Variants in THUMPD2 observed in about 807,000 individuals in gnomAD.
The protein encoded by THUMPD2 is THUMP domain 2 tRNA and snRNA guanosine methyltransferase.
THUMPD2 carries 56 observed loss-of-function variants against 49.4 expected under a neutral mutation model. The observed-to-expected ratio is 1.13, with a 90% CI of 0.91 to 1.41. THUMPD2 has a LOEUF of 1.41. THUMPD2 is among the 40% of genes most tolerant of loss of function. The probability of loss-of-function intolerance (pLI) is 0.00; values close to 1 mark genes in which losing one functional copy is unlikely to be tolerated. For synonymous variants in THUMPD2, 237 were observed against 205.2 expected (o/e 1.15, Z -1.32); for missense variants, 709 against 594.5 (o/e 1.19, Z -2.00).
chr2:39,742,798 G>A (rs1050648138), intron 9 of THUMPD2, among the ~76,000 whole-genome samples: 1 of 152,180 alleles, frequency 6.6e-6, no homozygotes, highest in Non-Finnish European at 1.5e-5. Flanking sequence ...TTCGTGGGGA[G>A]GGGTGGATAG....
intron 8 of THUMPD2, chr2:39,744,710 A>C: frequency 3.4e-6 from 1 of 294,966 alleles, no homozygotes; most frequent in South Asian, 8.5e-5. Context: ...ATACAATAAA[A>C]TGTAAGTTAA....
chr2:39,768,649 A>G (rs537425733), intron 3 of THUMPD2, 148 bp from the exon 4 acceptor site: 1 of 747,848 alleles, frequency 1.3e-6, no homozygotes, highest in Non-Finnish European at 2.2e-6. Context: ...TTGTACATGA[A>G]AGCATTTCCT....
At chr2:39,745,993 T>G (rs1002754106) in intron 8 of THUMPD2, among the ~76,000 whole-genome samples, 5 of 152,166 alleles carry the variant, frequency 3.3e-5, no homozygotes, top group Admixed American at 3.3e-4. Flanking sequence ...AGTTTCTTCA[T>G]CTGTAAAATG....
intron 9 of THUMPD2, among the ~76,000 whole-genome samples, chr2:39,742,564 C>CAGTT (rs1674034632): frequency 6.6e-6 from 1 of 152,190 alleles, no homozygotes; most frequent in African/African-American, 2.4e-5. Flanking sequence ...ATTAGATTTT[C>CAGTT]AGTTAGAGTA....
intron 5 of THUMPD2, among the ~76,000 whole-genome samples, chr2:39,764,300 G>A (rs1014975593): frequency 1.1e-4 from 16 of 152,196 alleles, no homozygotes; most frequent in Non-Finnish European, 4.4e-5. Flanking sequence ...TCCCAAGGAC[G>A]AAGCTATAAA....
At chr2:39,768,700 C>T (rs1677880028) in intron 3 of THUMPD2, 199 bp from the exon 4 acceptor site, 1 of 665,078 alleles carries the variant, frequency 1.5e-6, no homozygotes, top group Non-Finnish European at 2.5e-6. Flanking sequence ...CCCTAGCCCC[C>T]AGTACACCCC....
intron 4 of THUMPD2, among the ~76,000 whole-genome samples, chr2:39,767,393 A>G (rs776131068): frequency 9.2e-5 from 14 of 151,626 alleles, no homozygotes; most frequent in Non-Finnish European, 1.8e-4. Flanking sequence ...TCACGAGGTC[A>G]GGAGATCGAG....
chr2:39,777,484 A>G (rs1297543827), intron 1 of THUMPD2, among the ~76,000 whole-genome samples: 1 of 152,206 alleles, frequency 6.6e-6, no homozygotes, highest in East Asian at 1.9e-4. Flanking sequence ...TTGGTAAAAT[A>G]TGGAGGTAAA....
intron 8 of THUMPD2, among the ~76,000 whole-genome samples, chr2:39,754,543 C>G (rs1675844819): frequency 1.3e-5 from 2 of 152,212 alleles, no homozygotes; most frequent in Non-Finnish European, 2.9e-5. Context: ...TCACTGTCAA[C>G]AGAATACAAT....
chr2:39,761,782 T>C (rs570006527), intron 5 of THUMPD2, among the ~76,000 whole-genome samples: 99 of 152,298 alleles, frequency 6.5e-4, no homozygotes, highest in African/African-American at 2.4e-3. Flanking sequence ...GAATGTACTA[T>C]TTTGTGATAT....
At chr2:39,771,082 T>C (rs1558538053) in intron 2 of THUMPD2, among the ~76,000 whole-genome samples, 1 of 152,148 alleles carries the variant, frequency 6.6e-6, no homozygotes, top group Admixed American at 6.5e-5. Context: ...CCTAGAAATA[T>C]AAATTTTTAC....
At chr2:39,770,765 T>A (rs1007856007) in intron 2 of THUMPD2, among the ~76,000 whole-genome samples, 1 of 152,132 alleles carries the variant, frequency 6.6e-6, no homozygotes, top group Non-Finnish European at 1.5e-5. Flanking sequence ...GATCCCACAG[T>A]ATAATACTTT....
At position 39,768,509 on chromosome 2, in the gene THUMPD2, A is replaced by T. The variant is rs1677856055; in HGVS notation, c.673-8T>A. 1.2e-6 allele frequency: 2 copies of T among 1,605,138 alleles called. No individual in the cohort carries two copies. The highest frequency in any genetic ancestry group is 8.5e-7 in the Non-Finnish European group (1 of 1,175,652). ...AATTACTTTTCCTACCTCCTGGAAA[A>T]GTACCAAGTTAAAGAAAAGAATACT... On this transcript the variant is annotated splice_region_variant and splice_polypyrimidine_tract_variant and intron_variant, in intron 3 of 9. Coordinates refer to ENST00000505747, the MANE Select transcript of THUMPD2 (RefSeq NM_025264.5).
upstream of THUMPD2, chr2:39,779,261 C>A (rs1303620562): frequency 2.1e-6 from 3 of 1,461,562 alleles, no homozygotes; most frequent in East Asian, 9.1e-5. Flanking sequence ...CGCGCCCTCG[C>A]GCCTTCGGGT....
In THUMPD2 at chr2:39,759,461, C is replaced by G. The variant is rs141789698; in HGVS notation, c.891+1870G>C. On this transcript the variant is annotated intron_variant, in intron 6 of 9. Coordinates refer to ENST00000505747, the MANE Select transcript of THUMPD2 (RefSeq NM_025264.5). ...GTCATGATCCCATGAGATATTACTA[C>G]TCTTTTCATCTTGCAAATGAGAAAC... 3.3e-5 allele frequency among the ~76,000 whole-genome samples: 5 copies of G among 152,148 alleles called. No individual in the cohort carries two copies. The East Asian group carries it at 9.7e-4, about 29-fold the overall frequency.
chr2:39,767,179 T>A (rs529123066), intron 4 of THUMPD2, among the ~76,000 whole-genome samples: 12 of 152,356 alleles, frequency 7.9e-5, no homozygotes, highest in African/African-American at 2.9e-4. Flanking sequence ...TATTATTAAT[T>A]GCATTAAATG....
At chr2:39,742,327 A>C (rs998204933) in intron 9 of THUMPD2, among the ~76,000 whole-genome samples, 5 of 152,206 alleles carry the variant, frequency 3.3e-5, no homozygotes, top group Non-Finnish European at 7.3e-5. Flanking sequence ...TTAGTTTTGC[A>C]GGAAGTCAGG....
intron 1 of THUMPD2, among the ~76,000 whole-genome samples, chr2:39,778,084 C>A (rs959883765): frequency 4.6e-5 from 7 of 152,172 alleles, no homozygotes; most frequent in African/African-American, 7.2e-5. Context: ...TGAATAAATT[C>A]TCGGACTTAC....
At chr2:39,774,677 ACT>A (rs747201858) in intron 1 of THUMPD2, among the ~76,000 whole-genome samples, 11 of 152,204 alleles carry the variant, frequency 7.2e-5, no homozygotes, top group Non-Finnish European at 1.3e-4. Context: ...TGCTGAAGCT[ACT>A]AATTCTCTTT....
Sources: gnomAD v4.1 joint callset for allele counts (sites outside exome capture counted in the v4.1 genomes callset) on GRCh38, gnomAD v4.1.1 for gene constraint, MANE v1.5 for transcripts, NCBI Gene and HGNC (gene_info 2026-07-23, HGNC 2026-07-21) for gene names.